The following PAX2 variants were observed in gnomAD, a reference collection of about 807,000 sequenced individuals.
PAX2 encodes paired box protein Pax-2.
Under a neutral mutation model 41.7 loss-of-function variants are expected in PAX2, and 9 were observed. The ratio of observed to expected loss-of-function variants is 0.22; its 90% CI spans 0.13 to 0.38. The LOEUF is 0.38. PAX2 is among the 10% of genes least tolerant of loss of function. PAX2 has a pLI of 1.00. For missense variants in PAX2, 418 were observed against 531.6 expected (o/e 0.79, Z 2.10); for synonymous variants, 221 against 212.7 (o/e 1.04, Z -0.34).
At chr10:100,771,480 G>A (rs1260987719) in intron 3 of PAX2, among the ~76,000 whole-genome samples, 1 of 152,216 alleles carries the variant, frequency 6.6e-6, no homozygotes, top group Non-Finnish European at 1.5e-5. Flanking sequence ...GCCACGTGCA[G>A]GAGAGATGCT....
At chr10:100,803,508 C>CTGGA (rs1218324398) in intron 5 of PAX2, among the ~76,000 whole-genome samples, 3 of 152,044 alleles carry the variant, frequency 2.0e-5, no homozygotes, top group Non-Finnish European at 2.9e-5. Context: ...ATTTGGAGGG[C>CTGGA]TGGCTGGCTG....
intron 4 of PAX2, 77 bp from the exon 5 acceptor site, chr10:100,781,169 C>A (rs1327087259): frequency 1.8e-5 from 26 of 1,471,098 alleles, no homozygotes; most frequent in Non-Finnish European, 2.3e-5. Context: ...CTCTGCCCCC[C>A]AGCCTTGGGG....
chr10:100,759,994 G>T (rs116394364), intron 3 of PAX2, among the ~76,000 whole-genome samples: 2 of 152,164 alleles, frequency 1.3e-5, no homozygotes, highest in African/African-American at 4.8e-5. Context: ...AGGCGGTCAG[G>T]AAGGAGACAC....
rs926914738 is a variant in PAX2, at chr10:100,791,803, T to C, written c.616+10438T>C. ...TCCTCACCTGCCATCTCCATCTCTT[T>C]AGGCAGAGTGCCCAGCATGAGCCCT... On this transcript the variant is annotated intron_variant, in intron 5 of 9. Coordinates refer to ENST00000355243, the MANE Select transcript of PAX2 (RefSeq NM_000278.5). The surrounding 1 kb of genome is among the most constrained non-coding windows in gnomAD (Gnocchi z 4.5). Among the ~76,000 whole-genome samples, 4 of 152,170 alleles carry C rather than the reference T, an allele frequency of 2.6e-5. No individual in the cohort carries two copies. Among genetic ancestry groups the C allele is most frequent in the African/African-American group, 7.2e-5 (3 of 41,438 alleles).
intron 3 of PAX2, among the ~76,000 whole-genome samples, chr10:100,751,871 G>A (rs201960745): frequency 6.6e-6 from 1 of 152,050 alleles, no homozygotes; most frequent in African/African-American, 2.4e-5. Flanking sequence ...ACCAGCCTTG[G>A]CCCCCCATTT....
intron 3 of PAX2, among the ~76,000 whole-genome samples, chr10:100,769,871 G>A (rs1846155084): frequency 6.6e-6 from 1 of 152,108 alleles, no homozygotes; most frequent in South Asian, 2.1e-4. Flanking sequence ...TGTGAACTGA[G>A]TAAGCAAGAA....
Position 100,748,518 on chromosome 10 carries a change from G to C in PAX2, c.44-1228G>C, listed in dbSNP as rs1159357117. 1.0e-6 allele frequency: 1 copy of C among 985,264 alleles called. No individual in the cohort carries two copies. The highest frequency in any genetic ancestry group is 1.2e-6 in the Non-Finnish European group (1 of 829,914). The allele number at this position is 985,264 out of a possible 1,614,324, so 61.0% of individuals were successfully genotyped here. ...TGAGGCTAGCGGGGCAGGGGCTGCAGCTTGCCAGTCCGGGCCGACCCGACT... is the reference window on the plus strand; with the variant it reads ...TGAGGCTAGCGGGGCAGGGGCTGCACCTTGCCAGTCCGGGCCGACCCGACT... On this transcript the variant is annotated intron_variant, in intron 1 of 9. Transcript: ENST00000355243. This position sits in a 1 kb window ranked among gnomAD's most constrained non-coding sequence, Gnocchi z 5.0.
chr10:100,740,439 T>C (rs1394063876), intron 1 of PAX2, among the ~76,000 whole-genome samples: 2 of 152,028 alleles, frequency 1.3e-5, no homozygotes, highest in Non-Finnish European at 2.9e-5. Flanking sequence ...GGAAACAAAA[T>C]AAAACAGGAA....
chr10:100,792,810 C>T (rs1032105618), intron 5 of PAX2, among the ~76,000 whole-genome samples: 2 of 151,642 alleles, frequency 1.3e-5, no homozygotes, highest in African/African-American at 4.8e-5. Context: ...CCTTGCTACA[C>T]ACACAAAAAG....
Position 100,828,120 on chromosome 10 carries a change from A to G in PAX2, c.*501A>G, listed in dbSNP as rs1848654146. On this transcript the variant is annotated 3_prime_UTR_variant, in exon 10 of 10. Coordinates refer to ENST00000355243, the MANE Select transcript of PAX2 (RefSeq NM_000278.5). The surrounding 1 kb of genome is among the most constrained non-coding windows in gnomAD (Gnocchi z 6.5). ...GGGCTGGGCCAAGGAGATTAAGAAG[A>G]AAACGACTTTCTGCAGGAGGAAGAG... The G allele has an allele frequency of 4.3e-6, 1 of 231,048 alleles. No homozygotes were observed. The highest frequency in any genetic ancestry group is 2.2e-5 in the African/African-American group (1 of 45,160). 14.3% of individuals were successfully genotyped at this position (231,048 alleles called of 1,614,324 possible).
intron 3 of PAX2, among the ~76,000 whole-genome samples, chr10:100,759,239 A>G (rs1845751771): frequency 6.6e-6 from 1 of 152,154 alleles, no homozygotes; most frequent in Non-Finnish European, 1.5e-5. Context: ...AGGGGCCCAG[A>G]GGTGATGAAG....
At chr10:100,808,644 ATTGT>A (rs1375180404) in intron 6 of PAX2, among the ~76,000 whole-genome samples, 3 of 151,644 alleles carry the variant, frequency 2.0e-5, no homozygotes, top group Admixed American at 6.6e-5. Context: ...TGGGGCTGTC[ATTGT>A]TTGTTTTTAA....
chr10:100,776,401 C>T (rs1846389471), intron 3 of PAX2, among the ~76,000 whole-genome samples: 1 of 152,178 alleles, frequency 6.6e-6, no homozygotes, highest in Admixed American at 6.5e-5. Flanking sequence ...TTGCTGTTGG[C>T]ACTGCAGGTT....
At chr10:100,807,055 A>G (rs959530328) in intron 6 of PAX2, among the ~76,000 whole-genome samples, 56 of 152,070 alleles carry the variant, frequency 3.7e-4, no homozygotes, top group Non-Finnish European at 1.5e-4. Flanking sequence ...GCCCAGTGTC[A>G]GGAGAGCCTG....
Position 100,805,031 on chromosome 10 carries a change from C to T in PAX2, c.617-1399C>T, listed in dbSNP as rs1395476276. Among the ~76,000 whole-genome samples the T allele has an allele frequency of 5.0e-3, 204 of 41,044 alleles. 1 individual carries two copies. The highest frequency in any genetic ancestry group is 0.017 in the African/African-American group (193 of 11,572). 26.9% of individuals were successfully genotyped at this position (41,044 alleles called of 152,430 possible). ...TCTCTCTCTCTCTCACATACACACACACACACACACACACACACACACACA... is the reference window on the plus strand; with the variant it reads ...TCTCTCTCTCTCTCACATACACACATACACACACACACACACACACACACA... On this transcript the variant is annotated intron_variant, in intron 5 of 9. Coordinates refer to ENST00000355243, the MANE Select transcript of PAX2 (RefSeq NM_000278.5).
At chr10:100,825,034 G>C (rs748718432) in intron 8 of PAX2, 14 of 1,448,212 alleles carry the variant, frequency 9.7e-6, no homozygotes, top group Non-Finnish European at 1.3e-5. Context: ...CTGTGCCCGA[G>C]GAGCACTCAG....
chr10:100,751,075 T>G (rs977337673), intron 3 of PAX2, among the ~76,000 whole-genome samples, 184 bp downstream of exon 3: 1 of 152,202 alleles, frequency 6.6e-6, no homozygotes, highest in African/African-American at 2.4e-5. Context: ...CAGACAGGGC[T>G]GTCTGCAGTT....
chr10:100,781,390 C>T, intron 5 of PAX2, 25 bp downstream of exon 5: 9 of 1,613,562 alleles, frequency 5.6e-6, no homozygotes, highest in Admixed American at 1.7e-5. Flanking sequence ...AGAGGTGTGG[C>T]TTCCCCTTCA....
At chr10:100,767,961 T>A (rs1846081596) in intron 3 of PAX2, among the ~76,000 whole-genome samples, 1 of 152,176 alleles carries the variant, frequency 6.6e-6, no homozygotes, top group Admixed American at 6.5e-5. Flanking sequence ...GCACAGCTAC[T>A]TGGCATTTAA....
Sources: allele counts gnomAD v4.1 joint callset (sites outside exome capture counted in the v4.1 genomes callset), GRCh38; gene constraint gnomAD v4.1.1; non-coding constraint Gnocchi (gnomAD v3.1); transcripts MANE v1.5; gene names NCBI Gene and HGNC (gene_info 2026-07-23, HGNC 2026-07-21).